Variants in FMN1 observed in about 807,000 individuals in gnomAD.
FMN1 encodes the protein formin-1.
FMN1 carries 110 observed loss-of-function variants against 132.4 expected under a neutral mutation model. That is an observed-to-expected ratio of 0.83 (90% CI 0.71 to 0.97). The LOEUF (loss-of-function observed/expected upper bound fraction) is 0.97, where lower values mean the gene tolerates loss of function less well. FMN1 is among the 50% of genes least tolerant of loss of function. FMN1 has a pLI of 0.00. For missense variants in FMN1, 1,792 were observed against 1,705.3 expected, an observed-to-expected ratio of 1.05 and a Z score of -0.90; for synonymous variants, 722 against 651.7, an observed-to-expected ratio of 1.11 and a Z score of -1.64.
At chr15:32,992,033 G>C (rs2033465782) in intron 7 of FMN1, among the ~76,000 whole-genome samples, 1 of 152,180 alleles carries the variant, frequency 6.6e-6, no homozygotes, top group African/African-American at 2.4e-5. Flanking sequence ...CTTTGATCCT[G>C]CGTACTCACA....
intron 7 of FMN1, among the ~76,000 whole-genome samples, chr15:32,987,124 G>A (rs1198270422): frequency 6.6e-6 from 1 of 152,024 alleles, no homozygotes; most frequent in Admixed American, 6.6e-5. Context: ...AATGTGAAAA[G>A]GCAGAGACAG....
intron 9 of FMN1, among the ~76,000 whole-genome samples, chr15:32,957,325 T>TTTTTTTAA (rs1555504537): frequency 7.3e-6 from 1 of 137,312 alleles, no homozygotes; most frequent in Non-Finnish European, 1.5e-5. Context: ...TTTTTTTTTT[T>TTTTTTTAA]ACAGGAACCA....
chr15:33,147,795 C>T (rs1237737912), intron 4 of FMN1, among the ~76,000 whole-genome samples: 2 of 152,210 alleles, frequency 1.3e-5, no homozygotes, highest in Non-Finnish European at 2.9e-5. Context: ...TCGTATTTCA[C>T]ATGCCAATGA....
chr15:32,848,264 G>A (rs1290106784), intron 17 of FMN1, among the ~76,000 whole-genome samples: 1 of 152,188 alleles, frequency 6.6e-6, no homozygotes, highest in Non-Finnish European at 1.5e-5. Flanking sequence ...ATGGAAGCAT[G>A]AGCAAAATAA....
chr15:32,830,553 G>A (rs760905519), intron 17 of FMN1, among the ~76,000 whole-genome samples: 10 of 152,146 alleles, frequency 6.6e-5, no homozygotes, highest in Non-Finnish European at 1.3e-4. Context: ...GCTTCAACCT[G>A]TATTTCACTG....
At chr15:32,774,403 A>C in intron 20 of FMN1, 49 bp from the exon 21 acceptor site, 1 of 1,482,430 alleles carries the variant, frequency 6.7e-7, no homozygotes, top group South Asian at 1.2e-5. Flanking sequence ...ATCTTTCTCA[A>C]GTTTTGATAC....
chr15:33,095,034 A>T (rs1318063597), intron 4 of FMN1, among the ~76,000 whole-genome samples: 1 of 152,224 alleles, frequency 6.6e-6, no homozygotes, highest in Non-Finnish European at 1.5e-5. Flanking sequence ...AAGTGATCAA[A>T]AAATTTTAGT....
At chr15:33,181,711 T>C (rs140166968) in intron 2 of FMN1, among the ~76,000 whole-genome samples, 4,000 of 145,198 alleles carry the variant, frequency 0.028, 158 homozygotes, top group East Asian at 0.12. Flanking sequence ...TTCTTTCTTT[T>C]TTTTTTTTTT....
chr15:32,858,758 T>G (rs927929997), intron 16 of FMN1, among the ~76,000 whole-genome samples: 7 of 152,242 alleles, frequency 4.6e-5, no homozygotes, highest in African/African-American at 1.7e-4. Context: ...AATAATCATT[T>G]AAAACATTCA....
At chr15:32,776,121 C>CA (rs1172098521) in intron 20 of FMN1, among the ~76,000 whole-genome samples, 1 of 152,158 alleles carries the variant, frequency 6.6e-6, no homozygotes, top group Non-Finnish European at 1.5e-5. Flanking sequence ...GAGAAAGAAA[C>CA]AAAGTAACTT....
At chr15:32,870,360 T>C (rs1308373202) in intron 16 of FMN1, among the ~76,000 whole-genome samples, 2 of 152,226 alleles carry the variant, frequency 1.3e-5, no homozygotes, top group Non-Finnish European at 2.9e-5. Context: ...ACCAGGAAGC[T>C]GGAGTCCAGG....
At chr15:33,090,545 C>A (rs2038866854) in intron 4 of FMN1, among the ~76,000 whole-genome samples, 1 of 152,028 alleles carries the variant, frequency 6.6e-6, no homozygotes. Context: ...AAATGAGAGT[C>A]CAGGGCTTCC....
At chr15:33,083,080 G>A (rs2038548880) in intron 5 of FMN1, among the ~76,000 whole-genome samples, 2 of 151,154 alleles carry the variant, frequency 1.3e-5, no homozygotes, top group South Asian at 4.2e-4. Flanking sequence ...CAGCAGTCTA[G>A]CATCTACACC....
At chr15:33,055,609 CA>C (rs61239065) in intron 6 of FMN1, among the ~76,000 whole-genome samples, 5 of 148,728 alleles carry the variant, frequency 3.4e-5, no homozygotes, top group African/African-American at 1.2e-4. Flanking sequence ...AACTCATAGA[CA>C]AAAAAAAACA....
At chr15:32,944,000 T>C (rs1476658897) in intron 9 of FMN1, among the ~76,000 whole-genome samples, 2 of 152,188 alleles carry the variant, frequency 1.3e-5, no homozygotes, top group African/African-American at 2.4e-5. Context: ...AATCCTTTTA[T>C]AGCTGTGGCT....
chr15:32,879,364 T>C (rs2059710195), intron 16 of FMN1, among the ~76,000 whole-genome samples: 1 of 152,190 alleles, frequency 6.6e-6, no homozygotes, highest in African/African-American at 2.4e-5. Flanking sequence ...ACTACTGCTG[T>C]GGACAAATGG....
At chr15:32,866,419 T>C (rs1353234581) in intron 16 of FMN1, among the ~76,000 whole-genome samples, 1 of 152,152 alleles carries the variant, frequency 6.6e-6, no homozygotes, top group African/African-American at 2.4e-5. Context: ...GTATGCTGAA[T>C]AGTAAAACGC....
At chr15:32,867,304 G>A (rs952844184) in intron 16 of FMN1, among the ~76,000 whole-genome samples, 4 of 152,186 alleles carry the variant, frequency 2.6e-5, no homozygotes, top group South Asian at 2.1e-4. Context: ...TGGCCTGCAA[G>A]GCCCTCCATG....
Position 32,910,464 on chromosome 15 carries a change from T to G in FMN1, c.3288+10A>C. 6.4e-7 allele frequency: 1 copy of G among 1,566,438 alleles called. No homozygotes were observed. Among genetic ancestry groups the G allele is most frequent in the East Asian group, 2.3e-5 (1 of 42,664 alleles). On this transcript the variant is annotated intron_variant, in intron 11 of 20. Transcript: ENST00000616417. ...TGGAAATACTAGCTCTGTAAGTCTT[T>G]GACACTCACGTTTTCATATAAGGCT...
Sources: gnomAD v4.1 joint callset for allele counts (sites outside exome capture counted in the v4.1 genomes callset) on GRCh38, gnomAD v4.1.1 for gene constraint, MANE v1.5 for transcripts, NCBI Gene and HGNC (gene_info 2026-07-23, HGNC 2026-07-21) for gene names.